The following GLRA3 variants were observed in gnomAD, a reference collection of about 807,000 sequenced individuals.
GLRA3 encodes the protein glycine receptor alpha 3.
GLRA3 carries 44 observed loss-of-function variants against 60.4 expected under a neutral mutation model. The ratio of observed to expected loss-of-function variants is 0.73; its 90% CI spans 0.57 to 0.94. GLRA3 has a LOEUF of 0.94. Ranked by LOEUF, GLRA3 falls within the 40% of genes least tolerant of loss-of-function variation. The pLI is 0.00. For synonymous variants in GLRA3, 223 were observed against 192.9 expected (o/e 1.16, Z -1.29); for missense variants, 508 against 564.6 (o/e 0.90, Z 1.02).
At chr4:174,729,026 A>C (rs1171592382) in intron 3 of GLRA3, among the ~76,000 whole-genome samples, 1 of 152,218 alleles carries the variant, frequency 6.6e-6, no homozygotes, top group East Asian at 1.9e-4. Context: ...GGGTACTCCC[A>C]TCCCCCAGGA....
intron 3 of GLRA3, among the ~76,000 whole-genome samples, chr4:174,740,106 C>G (rs73004589): frequency 2.0e-5 from 3 of 152,128 alleles, no homozygotes; most frequent in Non-Finnish European, 4.4e-5. Context: ...CATTTGCACT[C>G]GCATCTAATT....
chr4:174,663,105 G>A (rs890501054), intron 7 of GLRA3, among the ~76,000 whole-genome samples: 1 of 151,984 alleles, frequency 6.6e-6, no homozygotes, highest in Non-Finnish European at 1.5e-5. Flanking sequence ...CTTGACACTC[G>A]GAAGGGTGTC....
At chr4:174,817,785 T>G in intron 1 of GLRA3, among the ~76,000 whole-genome samples, 1 of 152,224 alleles carries the variant, frequency 6.6e-6, no homozygotes, top group East Asian at 1.9e-4. Flanking sequence ...TTTTGTATTT[T>G]TAGTAGAGAT....
intron 2 of GLRA3, among the ~76,000 whole-genome samples, chr4:174,784,671 C>A (rs948657705): frequency 1.4e-4 from 21 of 152,024 alleles, no homozygotes; most frequent in Non-Finnish European, 2.8e-4. Context: ...ATTGCATGAT[C>A]AACTGGTTGA....
intron 4 of GLRA3, chr4:174,722,969 G>A (rs1736187297): frequency 6.0e-6 from 1 of 167,328 alleles, no homozygotes. Flanking sequence ...GAGACCATCT[G>A]TTTCATTTGA....
At chr4:174,724,553 A>T in intron 4 of GLRA3, among the ~76,000 whole-genome samples, 1 of 152,110 alleles carries the variant, frequency 6.6e-6, no homozygotes, top group East Asian at 1.9e-4. Context: ...GTCAAATATA[A>T]TTTAGGAAAC....
In GLRA3 at chr4:174,731,531, TA is replaced by T. The variant is rs1338462483; in HGVS notation, c.268-2834del. 2.6e-5 allele frequency among the ~76,000 whole-genome samples: 4 copies of T among 152,260 alleles called. No homozygotes were observed. In the East Asian group the frequency reaches 7.7e-4, roughly 29 times the overall value. ...CTCAAGAAGGCAACTTGGAGTGAAT[TA>T]AAAGTTCAAATATGATGGGTAAAAT... On this transcript the variant is annotated intron_variant, in intron 3 of 9. Coordinates refer to ENST00000274093, the MANE Select transcript of GLRA3 (RefSeq NM_006529.4).
intron 1 of GLRA3, among the ~76,000 whole-genome samples, chr4:174,825,804 T>C (rs1303928446): frequency 6.6e-6 from 1 of 152,128 alleles, no homozygotes; most frequent in Non-Finnish European, 1.5e-5. Context: ...GCTTATTTAC[T>C]AAAGTATAGA....
At chr4:174,766,134 G>GT (rs956155095) in intron 3 of GLRA3, among the ~76,000 whole-genome samples, 7 of 151,572 alleles carry the variant, frequency 4.6e-5, no homozygotes, top group South Asian at 4.2e-4. Flanking sequence ...TCTAATATTG[G>GT]TTTTTTAAAC....
chr4:174,775,201 A>G (rs1320906227), intron 2 of GLRA3, among the ~76,000 whole-genome samples: 1 of 152,124 alleles, frequency 6.6e-6, no homozygotes, highest in Non-Finnish European at 1.5e-5. Flanking sequence ...GAAATGTACC[A>G]TTTTCAAAAA....
intron 5 of GLRA3, among the ~76,000 whole-genome samples, chr4:174,687,632 T>G (rs1320399445): frequency 6.6e-6 from 1 of 152,154 alleles, no homozygotes; most frequent in Non-Finnish European, 1.5e-5. Flanking sequence ...AATGATAAAT[T>G]TTGAACTTTG....
chr4:174,822,511 T>C (rs577713242), intron 1 of GLRA3, among the ~76,000 whole-genome samples: 4 of 152,180 alleles, frequency 2.6e-5, no homozygotes, highest in African/African-American at 9.6e-5. Flanking sequence ...ATATTTTCCT[T>C]CTGAGTAAAC....
chr4:174,731,993 T>C (rs970871046), intron 3 of GLRA3, among the ~76,000 whole-genome samples: 9 of 152,212 alleles, frequency 5.9e-5, no homozygotes, highest in African/African-American at 1.4e-4. Flanking sequence ...AGACTTTTGA[T>C]GATATCAGAA....
rs201476578 is a variant in GLRA3 at position 174,728,645 on chromosome 4, C to T, written c.321G>A (p.Ala107=). 138 of 1,611,310 alleles carry T rather than the reference C, an allele frequency of 8.6e-5. 2 individuals are homozygous for T. Among genetic ancestry groups the T allele is most frequent in the Middle Eastern group, 1.7e-4 (1 of 6,050 alleles). Residue 107 remains alanine (A), a synonymous_variant, in exon 4 of 10, where the codon GCG becomes GCA. Coordinates refer to ENST00000274093, the MANE Select transcript of GLRA3 (RefSeq NM_006529.4). ...LRQKWNDPRL[A]YSEYPDDSLD... Reference sequence around the variant, plus strand: ...AAGAGTCGTCAGGATATTCACTGTACGCGAGGCGGGGATCATTCCATTTCT... The same window carrying T: ...AAGAGTCGTCAGGATATTCACTGTATGCGAGGCGGGGATCATTCCATTTCT...
At chr4:174,805,079 A>G (rs1579636704) in intron 1 of GLRA3, among the ~76,000 whole-genome samples, 1 of 152,008 alleles carries the variant, frequency 6.6e-6, no homozygotes, top group East Asian at 1.9e-4. Context: ...TTGCTTATCT[A>G]TGTTTGCAGT....
At chr4:174,763,668 C>G (rs749274001) in intron 3 of GLRA3, among the ~76,000 whole-genome samples, 3 of 152,130 alleles carry the variant, frequency 2.0e-5, no homozygotes, top group Non-Finnish European at 4.4e-5. Flanking sequence ...CATATAAAAG[C>G]CACTTAATGT....
Position 174,715,489 on chromosome 4 carries a change from G to A in GLRA3, c.573C>T (p.Ser191=). Residue 191 remains serine (S), a splice_region_variant and synonymous_variant, in exon 5 of 10, where the codon AGC becomes AGT. Coordinates refer to ENST00000274093, the MANE Select transcript of GLRA3 (RefSeq NM_006529.4). The part of the protein sequence containing the change: ...DVQTCIMQLE[S]FGYTMNDLIF... ...AAAAAGTAAGTGGTTCATACTTACA[G>A]CTTTCCAGTTGCATTATACATGTTT... 1 of 1,465,086 alleles carries A rather than the reference G, an allele frequency of 6.8e-7. No individual in the cohort carries two copies. The highest frequency in any genetic ancestry group is 9.5e-7 in the Non-Finnish European group (1 of 1,049,190). 90.8% of individuals were successfully genotyped at this position (1,465,086 alleles called of 1,614,324 possible).
intron 3 of GLRA3, among the ~76,000 whole-genome samples, chr4:174,732,751 C>G (rs1477543483): frequency 6.8e-6 from 1 of 147,724 alleles, no homozygotes; most frequent in Admixed American, 6.8e-5. Context: ...AATTCAAAAC[C>G]AAGCAATTTC....
At chr4:174,741,950 T>A (rs533060764) in intron 3 of GLRA3, among the ~76,000 whole-genome samples, 58 of 152,258 alleles carry the variant, frequency 3.8e-4, no homozygotes, top group African/African-American at 1.3e-3. Flanking sequence ...CATCTTTGAA[T>A]CCAAATATAT....
Sources: gnomAD v4.1 joint callset for allele counts (sites outside exome capture counted in the v4.1 genomes callset) on GRCh38, gnomAD v4.1.1 for gene constraint, MANE v1.5 for transcripts, NCBI Gene and HGNC (gene_info 2026-07-23, HGNC 2026-07-21) for gene names.